SSH2: variants seen among roughly 807,000 people sequenced by gnomAD.
SSH2 encodes the protein protein phosphatase Slingshot homolog 2.
SSH2 carries 37 observed loss-of-function variants against 135.2 expected under a neutral mutation model. That is an observed-to-expected ratio of 0.27 (90% CI 0.21 to 0.36). SSH2 has a LOEUF of 0.36. Among genes scored for constraint, SSH2 ranks in the 10% least tolerant of loss-of-function variants. The pLI, the probability that SSH2 is intolerant of heterozygous loss-of-function variation, is 1.00. For missense variants in SSH2, 1,408 were observed against 1,765.3 expected, an observed-to-expected ratio of 0.80 and a Z score of 3.63; for synonymous variants, 628 against 646.2, an observed-to-expected ratio of 0.97 and a Z score of 0.43.
chr17:29,760,961 G>A, intron 3 of SSH2: 1 of 429,062 alleles, frequency 2.3e-6, no homozygotes, highest in Non-Finnish European at 3.9e-6. Context: ...GACACTTTCC[G>A]CCTCCATGAA....
intron 3 of SSH2, among the ~76,000 whole-genome samples, chr17:29,747,485 C>T (rs2040800050): frequency 6.6e-6 from 1 of 152,146 alleles, no homozygotes; most frequent in Non-Finnish European, 1.5e-5. Flanking sequence ...CCCAGATTTG[C>T]CCTTTGGTGT....
intron 11 of SSH2, among the ~76,000 whole-genome samples, chr17:29,664,152 C>T (rs1191487411): frequency 2.6e-5 from 4 of 152,068 alleles, no homozygotes; most frequent in Non-Finnish European, 4.4e-5. Context: ...GAGGCTGAGG[C>T]GGGAGGATCA....
chr17:29,792,737 C>T (rs1307101340), intron 3 of SSH2, among the ~76,000 whole-genome samples: 2 of 152,182 alleles, frequency 1.3e-5, no homozygotes, highest in African/African-American at 4.8e-5. Context: ...AGTGCAGTGG[C>T]GCGATCTCGG....
chr17:29,667,105 C>A, intron 10 of SSH2, 25 bp downstream of exon 10: 1 of 1,603,746 alleles, frequency 6.2e-7, no homozygotes, highest in Non-Finnish European at 8.5e-7. Context: ...AGCCTTGGAA[C>A]AAACAAGGAC....
intron 1 of SSH2, among the ~76,000 whole-genome samples, chr17:29,893,358 C>G (rs1362879621): frequency 6.6e-6 from 1 of 152,082 alleles, no homozygotes; most frequent in Non-Finnish European, 1.5e-5. Flanking sequence ...TATGCTGAAA[C>G]TTAATCACCA....
Position 29,667,319 on chromosome 17 carries a change from A to G in SSH2, c.810-96T>C, listed in dbSNP as rs533770353. On this transcript the variant is annotated intron_variant, in intron 9 of 15. Transcript: ENST00000540801. ...AAGAAGAATGATCCTGTCTTCTTCA[A>G]TAAGGCAAATCCTTTTCCAAAATCG... The G allele has an allele frequency of 4.8e-5, 46 of 954,214 alleles. 1 individual carries two copies. The South Asian group carries it at 7.0e-4, about 15-fold the overall frequency. 59.1% of individuals were successfully genotyped at this position (954,214 alleles called of 1,614,324 possible). A position where few individuals can be genotyped will look rare whatever the true frequency, so the allele number is the denominator to read the frequency against.
chr17:29,901,049 T>C (rs1194965526), intron 1 of SSH2, among the ~76,000 whole-genome samples: 3 of 152,042 alleles, frequency 2.0e-5, no homozygotes, highest in African/African-American at 4.8e-5. Context: ...AAACACCGCA[T>C]GTTCTCACTC....
chr17:29,714,658 C>G (rs1160241932), intron 3 of SSH2, among the ~76,000 whole-genome samples: 2 of 152,130 alleles, frequency 1.3e-5, no homozygotes, highest in Non-Finnish European at 2.9e-5. Flanking sequence ...ATTTTCTCAT[C>G]CTCTTGGTCT....
intron 2 of SSH2, among the ~76,000 whole-genome samples, chr17:29,817,946 T>G (rs939066566): frequency 6.6e-6 from 1 of 151,692 alleles, no homozygotes; most frequent in African/African-American, 2.4e-5. Flanking sequence ...ATTATTATTA[T>G]TTTTGTAGAG....
chr17:29,896,431 A>G (rs577615744), intron 1 of SSH2, among the ~76,000 whole-genome samples: 119 of 149,070 alleles, frequency 8.0e-4, no homozygotes, highest in Middle Eastern at 3.6e-3. Flanking sequence ...TGTATAAAAT[A>G]TATAAAATAT....
At chr17:29,638,567 CAG>C (rs2036017825) in intron 14 of SSH2, among the ~76,000 whole-genome samples, 3 of 147,890 alleles carry the variant, frequency 2.0e-5, no homozygotes, top group Admixed American at 1.4e-4. Flanking sequence ...CACACAGAGA[CAG>C]GGTATCACAC....
chr17:29,805,480 T>C (rs998714244), intron 2 of SSH2, among the ~76,000 whole-genome samples: 3 of 152,144 alleles, frequency 2.0e-5, no homozygotes, highest in East Asian at 1.9e-4. Context: ...TCTTATTCTT[T>C]AGCTCTGACG....
chr17:29,695,710 A>G (rs1209084269), intron 4 of SSH2, among the ~76,000 whole-genome samples, 187 bp from the exon 5 acceptor site: 2 of 152,222 alleles, frequency 1.3e-5, no homozygotes, highest in Non-Finnish European at 2.9e-5. Context: ...ACTGCATCTT[A>G]ATACATTTGC....
rs1181985085 is a variant in SSH2 at position 29,778,655 on chromosome 17, T to TAA, written c.188+15237_188+15238dup. On this transcript the variant is annotated intron_variant, in intron 3 of 15. Coordinates refer to ENST00000540801, the MANE Select transcript of SSH2 (RefSeq NM_001282129.2). ...GATTCTGTCTAAAAAAATAAATAAA[T>TAA]AAATAAAAATAAATAAATAAATAAA... is the stretch of plus-strand genomic sequence containing the variant. Among the ~76,000 whole-genome samples, 90 of 126,252 alleles carry TAA rather than the reference T, an allele frequency of 7.1e-4. 1 individual carries two copies. The highest frequency in any genetic ancestry group is 3.6e-3 in the South Asian group (14 of 3,888). The allele number at this position is 126,252 out of a possible 152,430, so 82.8% of individuals were successfully genotyped here.
chr17:29,763,749 T>C (rs2041377235), intron 3 of SSH2, among the ~76,000 whole-genome samples: 1 of 152,218 alleles, frequency 6.6e-6, no homozygotes, highest in Non-Finnish European at 1.5e-5. Context: ...TTGTCTTTTA[T>C]AAATAGGTTC....
intron 11 of SSH2, among the ~76,000 whole-genome samples, chr17:29,665,669 G>A (rs2151030845): frequency 6.6e-6 from 1 of 152,316 alleles, no homozygotes; most frequent in Non-Finnish European, 1.5e-5. Flanking sequence ...GACACAAAAT[G>A]AGGTTTTGGC....
chr17:29,837,848 G>C (rs1027104755), intron 2 of SSH2, among the ~76,000 whole-genome samples: 1 of 152,236 alleles, frequency 6.6e-6, no homozygotes, highest in African/African-American at 2.4e-5. Context: ...CCATGGAGCT[G>C]GGGGGAGCTG....
At chr17:29,925,615 A>C (rs2067050380) in intron 1 of SSH2, 1 of 396,700 alleles carries the variant, frequency 2.5e-6, no homozygotes, top group Non-Finnish European at 4.4e-6. Context: ...GGGCTGAGGC[A>C]GGAGGATCAC....
chr17:29,761,087 C>T lies in SSH2; in HGVS notation c.188+32807G>A, dbSNP rs1195065787. 3 of 1,282,618 alleles carry T rather than the reference C, an allele frequency of 2.3e-6. No individual in the cohort carries two copies. In the African/African-American group the frequency reaches 4.6e-5, roughly 20 times the overall value. 79.5% of individuals were successfully genotyped at this position (1,282,618 alleles called of 1,614,324 possible). On this transcript the variant is annotated intron_variant, in intron 3 of 15. Coordinates refer to ENST00000540801, the MANE Select transcript of SSH2 (RefSeq NM_001282129.2). ...TTGCTCCCCAGGATGCTGGGGAAAG[C>T]GGCTGCTGAAAGAGCAAACTTTCTG...
Sources: gnomAD v4.1 joint callset for allele counts (sites outside exome capture counted in the v4.1 genomes callset) on GRCh38, gnomAD v4.1.1 for gene constraint, MANE v1.5 for transcripts, NCBI Gene and HGNC (gene_info 2026-07-23, HGNC 2026-07-21) for gene names.